Variants in MPPED2 observed in about 807,000 individuals in gnomAD.
MPPED2 encodes the protein metallophosphoesterase MPPED2.
MPPED2 carries 5 observed loss-of-function variants against 33.0 expected under a neutral mutation model. That is an observed-to-expected ratio of 0.15 (90% CI 0.08 to 0.32). The LOEUF (loss-of-function observed/expected upper bound fraction) is 0.32, where lower values mean the gene tolerates loss of function less well. MPPED2 is among the 10% of genes least tolerant of loss of function. The pLI is 1.00. For missense variants in MPPED2, 275 were observed against 372.1 expected (o/e 0.74, Z 2.15); for synonymous variants, 136 against 141.9 (o/e 0.96, Z 0.29).
chr11:30,411,231 T>C lies in MPPED2; in HGVS notation c.*237A>G, dbSNP rs948304994. On this transcript the variant is annotated 3_prime_UTR_variant, in exon 7 of 7. Transcript: ENST00000358117. ...CGAACACTAACAATTTACAATGGCA[T>C]GGCCTTTGAGAAAACAGAAGTCATT... The C allele has an allele frequency of 8.7e-7, 1 of 1,145,336 alleles. No homozygotes were observed. Among genetic ancestry groups the C allele is most frequent in the East Asian group, 4.3e-5 (1 of 23,324 alleles). 70.9% of individuals were successfully genotyped at this position (1,145,336 alleles called of 1,614,324 possible). A position where few individuals can be genotyped will look rare whatever the true frequency, so the allele number is the denominator to read the frequency against.
intron 4 of MPPED2, among the ~76,000 whole-genome samples, chr11:30,492,300 T>C (rs1952020213): frequency 6.6e-6 from 1 of 152,174 alleles, no homozygotes; most frequent in Non-Finnish European, 1.5e-5. Context: ...CTGAACCCTG[T>C]CCTAAACAGA....
At position 30,451,352 on chromosome 11, in the gene MPPED2, TCA is replaced by T. The variant is rs1950055254; in HGVS notation, c.537-33721_537-33720del. 3.3e-5 allele frequency among the ~76,000 whole-genome samples: 5 copies of T among 152,346 alleles called. No homozygotes were observed. In the South Asian group the frequency reaches 8.3e-4, roughly 25 times the overall value. On this transcript the variant is annotated intron_variant, in intron 4 of 6. Transcript: ENST00000358117. ...CCCTCTTGTCTAAGGACCTTGGCTG[TCA>T]AGACTTAGAAATGCAATTCCCACTG...
At chr11:30,528,231 A>G (rs1433064582) in intron 3 of MPPED2, among the ~76,000 whole-genome samples, 3 of 152,064 alleles carry the variant, frequency 2.0e-5, no homozygotes, top group African/African-American at 4.8e-5. Flanking sequence ...TATATTGGCA[A>G]TTTTAATTTT....
intron 5 of MPPED2, among the ~76,000 whole-genome samples, chr11:30,416,370 G>A (rs1028814207): frequency 6.6e-6 from 1 of 152,254 alleles, no homozygotes; most frequent in African/African-American, 2.4e-5. Context: ...GTAAGAGAAG[G>A]AGAGCAGCAC....
intron 2 of MPPED2, among the ~76,000 whole-genome samples, chr11:30,573,675 T>C (rs1276343735): frequency 1.3e-5 from 2 of 152,144 alleles, no homozygotes; most frequent in African/African-American, 2.4e-5. Flanking sequence ...ACACACACAT[T>C]TTTTATTTCA....
intron 3 of MPPED2, among the ~76,000 whole-genome samples, chr11:30,518,761 G>A (rs1259914852): frequency 1.3e-5 from 2 of 152,148 alleles, no homozygotes; most frequent in Admixed American, 1.3e-4. Context: ...TAGGAGCTGC[G>A]TATGCACAGG....
intron 3 of MPPED2, among the ~76,000 whole-genome samples, chr11:30,499,955 G>C (rs1421921271): frequency 2.0e-5 from 3 of 152,116 alleles, no homozygotes; most frequent in Non-Finnish European, 4.4e-5. Flanking sequence ...GAAATCAAAA[G>C]ATCAGGCAAA....
intron 3 of MPPED2, among the ~76,000 whole-genome samples, chr11:30,513,459 T>C (rs1056397918): frequency 1.3e-5 from 2 of 152,350 alleles, no homozygotes; most frequent in East Asian, 1.9e-4. Flanking sequence ...TGGTGACAGA[T>C]AATTAGCTTG....
intron 6 of MPPED2, among the ~76,000 whole-genome samples, chr11:30,402,251 C>G (rs1489868629): frequency 6.6e-6 from 1 of 152,088 alleles, no homozygotes; most frequent in Non-Finnish European, 1.5e-5. Flanking sequence ...GCGCTACTGG[C>G]CTGGATATAA....
At chr11:30,550,514 G>T (rs529274405) in intron 2 of MPPED2, among the ~76,000 whole-genome samples, 8 of 152,304 alleles carry the variant, frequency 5.3e-5, no homozygotes, top group African/African-American at 1.7e-4. Context: ...ACTTCCCAGA[G>T]CACTGGTGGC....
Position 30,536,159 on chromosome 11 carries a change from A to G in MPPED2, c.145T>C (p.Tyr49His). 2 of 1,608,436 alleles carry G rather than the reference A, an allele frequency of 1.2e-6. No homozygotes were observed. The highest frequency in any genetic ancestry group is 1.7e-6 in the Non-Finnish European group (2 of 1,177,766). ...PHVHMVDPIP[Y>H]DTPKPAGHTR... ...TGGCCCGCTGGTTTTGGAGTGTCAT[A>G]TGGGATGGGGTCGACCCTAAAGTAG... is the stretch of plus-strand genomic sequence containing the variant. Residue 49 changes from tyrosine (Y) to histidine (H), a missense_variant, in exon 3 of 7, where the codon TAT becomes CAT. Tyr to His is a moderately conservative substitution (Grantham distance 83, BLOSUM62 2). Transcript: ENST00000358117.
At position 30,544,595 on chromosome 11, in the gene MPPED2, AC is replaced by A. The variant is rs377757561; in HGVS notation, c.129-8421del. ...GTCATTTCATAAGCATTTATTGAGC[AC>A]CTTTTATGGGCCACAGACTGTGCTA... On this transcript the variant is annotated intron_variant, in intron 2 of 6. Coordinates refer to ENST00000358117, the MANE Select transcript of MPPED2 (RefSeq NM_001584.3). Among the ~76,000 whole-genome samples, 984 of 152,310 alleles carry A rather than the reference AC, an allele frequency of 6.5e-3. 8 individuals carry two copies. The highest frequency in any genetic ancestry group is 0.02 in the South Asian group (97 of 4,824).
chr11:30,529,792 T>A (rs546844062), intron 3 of MPPED2, among the ~76,000 whole-genome samples: 1 of 152,264 alleles, frequency 6.6e-6, no homozygotes, highest in South Asian at 2.1e-4. Context: ...GAGGCAAAAA[T>A]TGATTTGTAT....
At chr11:30,520,918 C>T (rs1953839656) in intron 3 of MPPED2, among the ~76,000 whole-genome samples, 1 of 152,040 alleles carries the variant, frequency 6.6e-6, no homozygotes, top group Non-Finnish European at 1.5e-5. Flanking sequence ...CAGGGGACTC[C>T]TCTTTACACT....
chr11:30,579,002 CTTTT>C (rs57264756), intron 2 of MPPED2, among the ~76,000 whole-genome samples: 39 of 141,048 alleles, frequency 2.8e-4, no homozygotes, highest in Non-Finnish European at 2.4e-4. Flanking sequence ...TTGTCTTTTC[CTTTT>C]TTTTTTTTTT....
At chr11:30,530,998 A>C (rs999226557) in intron 3 of MPPED2, among the ~76,000 whole-genome samples, 1 of 152,184 alleles carries the variant, frequency 6.6e-6, no homozygotes, top group Admixed American at 6.5e-5. Context: ...CTAGTTCACA[A>C]GTTTATTTTT....
At chr11:30,564,386 C>T (rs936658369) in intron 2 of MPPED2, among the ~76,000 whole-genome samples, 1 of 152,156 alleles carries the variant, frequency 6.6e-6, no homozygotes, top group African/African-American at 2.4e-5. Context: ...GAACTTACTA[C>T]GTCCCCAGAA....
intron 3 of MPPED2, among the ~76,000 whole-genome samples, chr11:30,531,856 AGTACTT>A (rs1219574408): frequency 2.0e-5 from 3 of 152,336 alleles, no homozygotes; most frequent in Non-Finnish European, 4.4e-5. Flanking sequence ...TGTACGTGTA[AGTACTT>A]GTGTTAAAAG....
chr11:30,486,434 A>G (rs2134155765), intron 4 of MPPED2, among the ~76,000 whole-genome samples: 1 of 152,304 alleles, frequency 6.6e-6, no homozygotes, highest in East Asian at 1.9e-4. Flanking sequence ...TGTATATTTG[A>G]CAATTGGTTT....
Sources: allele counts gnomAD v4.1 joint callset (sites outside exome capture counted in the v4.1 genomes callset), GRCh38; gene constraint gnomAD v4.1.1; transcripts MANE v1.5; gene names NCBI Gene and HGNC (gene_info 2026-07-23, HGNC 2026-07-21).